Variants in SLMAP observed in about 807,000 individuals in gnomAD.
SLMAP encodes sarcolemmal membrane-associated protein.
Under a neutral mutation model 128.8 loss-of-function variants are expected in SLMAP, and 44 were observed. That is an observed-to-expected ratio of 0.34 (90% CI 0.27 to 0.44). The LOEUF (loss-of-function observed/expected upper bound fraction) is 0.44. Ranked by LOEUF, SLMAP falls within the 20% of genes least tolerant of loss-of-function variation. SLMAP has a pLI of 1.00. For missense variants in SLMAP, 787 were observed against 985.3 expected, an observed-to-expected ratio of 0.80 and a Z score of 2.69; for synonymous variants, 327 against 348.8, an observed-to-expected ratio of 0.94 and a Z score of 0.70.
At chr3:57,823,196 TC>T (rs1162115578) in intron 2 of SLMAP, among the ~76,000 whole-genome samples, 66 of 152,342 alleles carry the variant, frequency 4.3e-4, no homozygotes, top group African/African-American at 1.3e-3. Flanking sequence ...TCTTTTTTTT[TC>T]TGATTTGGGT....
intron 2 of SLMAP, among the ~76,000 whole-genome samples, chr3:57,779,117 A>G (rs957744094): frequency 2.6e-5 from 4 of 152,216 alleles, no homozygotes; most frequent in Admixed American, 2.0e-4. Context: ...TGAATGAACA[A>G]TAGCTGCATA....
intron 14 of SLMAP, among the ~76,000 whole-genome samples, chr3:57,873,635 A>G (rs2095535135): frequency 6.6e-6 from 1 of 152,202 alleles, no homozygotes; most frequent in Non-Finnish European, 1.5e-5. Flanking sequence ...CTGGGGCAAA[A>G]TAATTGGTGT....
chr3:57,765,788 A>G (rs1405040094), intron 2 of SLMAP, among the ~76,000 whole-genome samples: 1 of 152,234 alleles, frequency 6.6e-6, no homozygotes, highest in Non-Finnish European at 1.5e-5. Flanking sequence ...ATAGGAAGCC[A>G]GATTATATCT....
chr3:57,782,231 C>T (rs1445679323), intron 2 of SLMAP, among the ~76,000 whole-genome samples: 2 of 152,076 alleles, frequency 1.3e-5, no homozygotes, highest in African/African-American at 4.8e-5. Context: ...CAGTTAAATT[C>T]CCCAAATCTT....
intron 8 of SLMAP, among the ~76,000 whole-genome samples, chr3:57,859,946 G>T (rs926221603): frequency 3.3e-5 from 5 of 152,178 alleles, no homozygotes; most frequent in African/African-American, 9.7e-5. Context: ...TTAGATTTCA[G>T]AATAATGAAT....
intron 19 of SLMAP, among the ~76,000 whole-genome samples, chr3:57,911,425 T>C (rs1243994303): frequency 6.6e-6 from 1 of 152,222 alleles, no homozygotes; most frequent in Admixed American, 6.5e-5. Context: ...TTCCTTATAA[T>C]ATGGTAACCA....
chr3:57,891,224 T>G (rs1379895206), intron 15 of SLMAP: 3 of 152,174 alleles, frequency 2.0e-5, no homozygotes, highest in Non-Finnish European at 4.4e-5. Flanking sequence ...AAAAAAATGC[T>G]TCTTTAATTA....
At chr3:57,881,759 A>G (rs1364700598) in intron 14 of SLMAP, among the ~76,000 whole-genome samples, 3 of 152,114 alleles carry the variant, frequency 2.0e-5, no homozygotes, top group Non-Finnish European at 4.4e-5. Context: ...CGGCCAAAAT[A>G]TATTTTTTCT....
intron 2 of SLMAP, among the ~76,000 whole-genome samples, chr3:57,773,736 T>G (rs2081312992): frequency 6.6e-6 from 1 of 152,230 alleles, no homozygotes; most frequent in South Asian, 2.1e-4. Context: ...ATTGGTTTCA[T>G]AAGTATAGTG....
intron 2 of SLMAP, among the ~76,000 whole-genome samples, chr3:57,825,344 A>G (rs2092838789): frequency 6.6e-6 from 1 of 151,580 alleles, no homozygotes; most frequent in African/African-American, 2.4e-5. Flanking sequence ...TCAGTCTTTT[A>G]CTATTGAGTA....
In SLMAP at chr3:57,882,925, T is replaced by C. The variant is rs549114331; in HGVS notation, c.1301-7116T>C. 3.3e-5 allele frequency among the ~76,000 whole-genome samples: 5 copies of C among 152,298 alleles called. No individual in the cohort carries two copies. In the South Asian group the frequency reaches 1.0e-3, roughly 32 times the overall value. On this transcript the variant is annotated intron_variant, in intron 14 of 24. Coordinates refer to ENST00000671191, the MANE Select transcript of SLMAP (RefSeq NM_001377540.1). ...GTTTATACTATTTTATTATCTGCTG[T>C]GTTCATGTAACAGGCATTTGCAAAC...
chr3:57,894,276 A>C (rs900812890), intron 15 of SLMAP, among the ~76,000 whole-genome samples: 2 of 152,202 alleles, frequency 1.3e-5, no homozygotes, highest in African/African-American at 4.8e-5. Context: ...TATGCAATTA[A>C]AAATTCATAG....
chr3:57,790,558 CTT>C (rs1274800567), intron 2 of SLMAP, among the ~76,000 whole-genome samples: 1 of 151,918 alleles, frequency 6.6e-6, no homozygotes, highest in Non-Finnish European at 1.5e-5. Flanking sequence ...ATTTTAGTCA[CTT>C]ATTTTCTATT....
chr3:57,786,731 ATTTT>A (rs35138483), intron 2 of SLMAP, among the ~76,000 whole-genome samples: 2 of 88,748 alleles, frequency 2.3e-5, no homozygotes, highest in Non-Finnish European at 2.2e-5. Context: ...TAGTCTTTGT[ATTTT>A]TTTTTTTTTT....
At chr3:57,911,923 T>C (rs1245900781) in intron 19 of SLMAP, among the ~76,000 whole-genome samples, 34 of 52,380 alleles carry the variant, frequency 6.5e-4, no homozygotes, top group East Asian at 2.3e-3. Context: ...GGATTCACCC[T>C]AAAAAAAAAA....
chr3:57,894,664 C>G (rs936597144), intron 15 of SLMAP, among the ~76,000 whole-genome samples: 3 of 152,148 alleles, frequency 2.0e-5, no homozygotes, highest in Non-Finnish European at 4.4e-5. Flanking sequence ...TTAAAAGGAG[C>G]ACCATGGTGG....
intron 23 of SLMAP, among the ~76,000 whole-genome samples, chr3:57,924,313 T>C (rs565725080): frequency 7.9e-5 from 12 of 152,264 alleles, no homozygotes; most frequent in African/African-American, 2.9e-4. Context: ...TAAAAATTAA[T>C]TGTATTCTGG....
chr3:57,914,107 C>T (rs914259474), intron 21 of SLMAP, among the ~76,000 whole-genome samples: 1 of 152,156 alleles, frequency 6.6e-6, no homozygotes, highest in African/African-American at 2.4e-5. Flanking sequence ...TAATACTTGA[C>T]AAGCAAATCA....
intron 6 of SLMAP, among the ~76,000 whole-genome samples, chr3:57,854,048 C>G (rs1405132789): frequency 1.2e-5 from 1 of 85,388 alleles, no homozygotes; most frequent in Admixed American, 1.6e-4. Flanking sequence ...TATATATATA[C>G]ACATAACATA....
Sources: allele counts gnomAD v4.1 joint callset (sites outside exome capture counted in the v4.1 genomes callset), GRCh38; gene constraint gnomAD v4.1.1; transcripts MANE v1.5; gene names NCBI Gene and HGNC (gene_info 2026-07-23, HGNC 2026-07-21).